Variants in DUXB observed in about 807,000 individuals in gnomAD.
The protein encoded by DUXB is double homeobox B, also known as double homeobox protein B.
A neutral mutation model predicts 8.9 loss-of-function variants in DUXB; 22 were observed. The observed-to-expected ratio is 2.46, with a 90% CI of 1.76 to 3.52. The LOEUF is 3.52. Ranked by LOEUF, DUXB falls within the 30% of genes most tolerant of loss-of-function variation. The probability of loss-of-function intolerance (pLI) is 0.00; values close to 1 mark genes in which losing one functional copy is unlikely to be tolerated. For synonymous variants in DUXB, 84 were observed against 37.6 expected, an observed-to-expected ratio of 2.23 and a Z score of -4.52; for missense variants, 237 against 108.7, an observed-to-expected ratio of 2.18 and a Z score of -5.25.
At chr16:75,695,599 C>CT (rs1246819520) in intron 4 of DUXB, among the ~76,000 whole-genome samples, 13 of 152,132 alleles carry the variant, frequency 8.5e-5, no homozygotes, top group Non-Finnish European at 1.8e-4. Flanking sequence ...TGGGCAGTTG[C>CT]TTTACTGGTA....
intron 1 of DUXB, 151 bp from the exon 2 acceptor site, chr16:75,700,320 C>T (rs77712026): frequency 0.039 from 19,484 of 503,088 alleles, 488 homozygotes; most frequent in South Asian, 0.045. Context: ...ATGCGACCTC[C>T]GCTCCTGGGT....
intron 3 of DUXB, among the ~76,000 whole-genome samples, chr16:75,696,424 C>A (rs747156211): frequency 1.3e-5 from 2 of 152,106 alleles, no homozygotes; most frequent in Non-Finnish European, 2.9e-5. Flanking sequence ...TGGTTGTGCA[C>A]CTCTGTAGTT....
chr16:75,695,459 C>T (rs983041033), intron 4 of DUXB, among the ~76,000 whole-genome samples: 6 of 152,204 alleles, frequency 3.9e-5, no homozygotes, highest in South Asian at 2.1e-4. Context: ...ACTTAACATA[C>T]GCTAAATCAC....
chr16:75,697,231 G>A (rs913397978), intron 2 of DUXB, among the ~76,000 whole-genome samples: 1 of 152,076 alleles, frequency 6.6e-6, no homozygotes, highest in Non-Finnish European at 1.5e-5. Context: ...TCAAAGGATC[G>A]CTCTCTGTCT....
chr16:75,699,950 G>C lies in DUXB; in HGVS notation c.180+65C>G, dbSNP rs182474960. On this transcript the variant is annotated intron_variant, in intron 2 of 4. Transcript: ENST00000633875. ...CTGATATAAGAGAATTGGCAAAAGC[G>C]CTGGGCCTAGTCTTTCTCTTTACCA... is the stretch of plus-strand genomic sequence containing the variant. 5 of 601,836 alleles carry C rather than the reference G, an allele frequency of 8.3e-6. No individual in the cohort carries two copies. The Admixed American group carries it at 1.5e-4, about 18-fold the overall frequency. 37.3% of individuals were successfully genotyped at this position (601,836 alleles called of 1,614,324 possible).
In DUXB at chr16:75,694,665, T is replaced by A. The variant is rs566874104; in HGVS notation, c.442-140A>T. ...TTATAGAGTTGGCTCTCTGAATCCA[T>A]GGGTTCCATCTGTATACCCTGATTC... On this transcript the variant is annotated intron_variant, in intron 4 of 4. Transcript: ENST00000633875. 4 of 618,294 alleles carry A rather than the reference T, an allele frequency of 6.5e-6. No homozygotes were observed. The Admixed American group carries it at 8.2e-5, about 13-fold the overall frequency. 38.3% of individuals were successfully genotyped at this position (618,294 alleles called of 1,614,324 possible). A position where few individuals can be genotyped will look rare whatever the true frequency, so the allele number is the denominator to read the frequency against.
chr16:75,696,143 G>A (rs1373697091), intron 3 of DUXB, 28 bp from the exon 4 acceptor site: 1 of 698,012 alleles, frequency 1.4e-6, no homozygotes, highest in Non-Finnish European at 2.6e-6. Flanking sequence ...AGCTGTTGGG[G>A]AATTTTCATA....
intron 2 of DUXB, chr16:75,698,409 C>CA (rs1959195362): frequency 6.6e-6 from 1 of 152,218 alleles, no homozygotes; most frequent in Admixed American, 6.5e-5. Context: ...ACATATGATG[C>CA]AAAACCCAGA....
chr16:75,695,904 C>T lies in DUXB; in HGVS notation c.441+57G>A, dbSNP rs1452301364. On this transcript the variant is annotated intron_variant, in intron 4 of 4. Coordinates refer to ENST00000633875, the MANE Select transcript of DUXB (RefSeq NM_001351307.2). ...TCAGCTGTAAGTTTTTCAATAACAC[C>T]TCCAGGGGGCAGTATCACAGGCAGG... is the stretch of plus-strand genomic sequence containing the variant. The T allele has an allele frequency of 1.0e-5, 7 of 695,166 alleles. No homozygotes were observed. In the Admixed American group the frequency reaches 1.4e-4, roughly 14 times the overall value. The allele number at this position is 695,166 out of a possible 1,614,324, so 43.1% of individuals were successfully genotyped here.
At chr16:75,697,592 T>C (rs1240993074) in intron 2 of DUXB, among the ~76,000 whole-genome samples, 1 of 152,256 alleles carries the variant, frequency 6.6e-6, no homozygotes, top group Non-Finnish European at 1.5e-5. Flanking sequence ...TAATGATTTC[T>C]AAGTGTTATT....
At position 75,696,113 on chromosome 16, in the gene DUXB, A is replaced by G; in HGVS notation, c.289T>C (p.Tyr97His). Residue 97 changes from tyrosine (Y) to histidine (H), a missense_variant and splice_region_variant, in exon 4 of 5, where the codon TAC becomes CAC. Transcript: ENST00000633875. Reference protein sequence around the residue: ...HDQSQHLTQEYLPKEARQKQT... With the variant: ...HDQSQHLTQEHLPKEARQKQT... ...TTTTGTCGGGCTTCTTTAGGTAAGT[A>G]TTCTAAAGGAGAACACAGAAGCTGT... 1 of 698,240 alleles carries G rather than the reference A, an allele frequency of 1.4e-6. No individual in the cohort carries two copies. Among genetic ancestry groups the G allele is most frequent in the Non-Finnish European group, 2.6e-6 (1 of 384,648 alleles). 43.3% of individuals were successfully genotyped at this position (698,240 alleles called of 1,614,324 possible). A position where few individuals can be genotyped will look rare whatever the true frequency, so the allele number is the denominator to read the frequency against.
chr16:75,695,832 C>T (rs911679981), intron 4 of DUXB, 129 bp downstream of exon 4: 10 of 608,908 alleles, frequency 1.6e-5, no homozygotes, highest in African/African-American at 7.4e-5. Flanking sequence ...CAGTGCCAGG[C>T]GTTTACCATC....
At chr16:75,700,289 C>T (rs978628720) in intron 1 of DUXB, 120 bp from the exon 2 acceptor site, 17 of 548,296 alleles carry the variant, frequency 3.1e-5, no homozygotes, top group Admixed American at 6.6e-5. Flanking sequence ...GATTGGAGTG[C>T]AGTGATGCAG....
Position 75,694,152 on chromosome 16 carries a change from G to A in DUXB, c.815C>T (p.Pro272Leu), listed in dbSNP as rs895420149. ...TTGGTATTGGAGCCAGAAGGGAGTC[G>A]GAGTATCTAAGTCCTTTGTCAGAAT... ...LPILTKDLDTPTPFWLQYQEE... is the reference protein window; with the variant it reads ...LPILTKDLDTLTPFWLQYQEE... The change falls in exon 5 of 5, where the codon CCG becomes CTG. Residue 272 changes from proline to leucine, a missense_variant. Transcript: ENST00000633875. 20 of 439,340 alleles carry A rather than the reference G, an allele frequency of 4.6e-5. No homozygotes were observed. Among genetic ancestry groups the A allele is most frequent in the Middle Eastern group, 5.7e-4 (1 of 1,752 alleles). The allele number at this position is 439,340 out of a possible 1,614,324, so 27.2% of individuals were successfully genotyped here. A position where few individuals can be genotyped will look rare whatever the true frequency, so the allele number is the denominator to read the frequency against.
Position 75,700,155 on chromosome 16 carries a change from C to G in DUXB, c.40G>C (p.Glu14Gln). The change falls in exon 2 of 5, where the codon GAA (glutamate) becomes CAA (glutamine). Residue 14 changes from glutamate (E) to glutamine (Q), a missense_variant. Coordinates refer to ENST00000633875, the MANE Select transcript of DUXB (RefSeq NM_001351307.2). ...EGTSGGILQKEFWRNRIQYNQ... is the reference protein window; with the variant it reads ...EGTSGGILQKQFWRNRIQYNQ... Reference sequence around the variant, plus strand: ...TACTGAATTCTGTTTCTCCAGAATTCTTTTTGAAGTATGCCTGATGAACAG... The same window carrying G: ...TACTGAATTCTGTTTCTCCAGAATTGTTTTTGAAGTATGCCTGATGAACAG... The G allele has an allele frequency of 1.4e-6, 1 of 701,806 alleles. No homozygotes were observed. The highest frequency in any genetic ancestry group is 2.6e-6 in the Non-Finnish European group (1 of 384,576). 43.5% of individuals were successfully genotyped at this position (701,806 alleles called of 1,614,324 possible).
chr16:75,695,844 C>G, intron 4 of DUXB, 117 bp downstream of exon 4: 1 of 614,864 alleles, frequency 1.6e-6, no homozygotes, highest in South Asian at 2.0e-5. Context: ...TTTACCATCC[C>G]CCGTTTCCGC....
intron 2 of DUXB, among the ~76,000 whole-genome samples, chr16:75,697,399 G>A (rs965398677): frequency 6.6e-6 from 1 of 152,194 alleles, no homozygotes; most frequent in Non-Finnish European, 1.5e-5. Context: ...ATTAGCCACA[G>A]TAAAGAGTTG....
chr16:75,696,855 G>A lies in DUXB; in HGVS notation c.269C>T (p.Ser90Phe). The A allele has an allele frequency of 1.4e-6, 1 of 702,878 alleles. No homozygotes were observed. The allele number at this position is 702,878 out of a possible 1,614,324, so 43.5% of individuals were successfully genotyped here. The change falls in exon 3 of 5, where the codon TCC (serine) becomes TTC (phenylalanine). Residue 90 changes from serine to phenylalanine, a missense_variant. Physicochemically the swap from Ser to Phe is radical, Grantham distance 155. Transcript: ENST00000633875. ...EKDQTQGHDQSQHLTQEYLPK... is the reference protein window; with the variant it reads ...EKDQTQGHDQFQHLTQEYLPK... Reference sequence around the variant, plus strand: ...ATTCTTACCTTGAGTCAGATGCTGGGACTGGTCATGCCCCTGGGTTTGATC... The same window carrying A: ...ATTCTTACCTTGAGTCAGATGCTGGAACTGGTCATGCCCCTGGGTTTGATC...
intron 2 of DUXB, among the ~76,000 whole-genome samples, chr16:75,698,093 G>A (rs1042075607): frequency 6.6e-6 from 1 of 152,194 alleles, no homozygotes; most frequent in African/African-American, 2.4e-5. Flanking sequence ...AATAGTTTTA[G>A]TTAAGAAATC....
Sources: gnomAD v4.1 joint callset for allele counts (sites outside exome capture counted in the v4.1 genomes callset) on GRCh38, gnomAD v4.1.1 for gene constraint, MANE v1.5 for transcripts, NCBI Gene and HGNC (gene_info 2026-07-23, HGNC 2026-07-21) for gene names.